The following RUNX1T1 variants were observed in gnomAD, a reference collection of about 807,000 sequenced individuals.
RUNX1T1 encodes the protein protein CBFA2T1.
In RUNX1T1, 4 loss-of-function variants were observed where a neutral mutation model predicts 62.8. The ratio of observed to expected loss-of-function variants is 0.06; its 90% CI spans 0.03 to 0.15. The LOEUF (loss-of-function observed/expected upper bound fraction) is 0.15. Among genes scored for constraint, RUNX1T1 ranks in the 10% least tolerant of loss-of-function variants. The pLI is 1.00. For missense variants in RUNX1T1, 508 were observed against 754.3 expected (o/e 0.67, Z 3.82); for synonymous variants, 291 against 286.0 (o/e 1.02, Z -0.18).
intron 5 of RUNX1T1, among the ~76,000 whole-genome samples, chr8:91,996,287 C>T (rs1818660073): frequency 6.6e-6 from 1 of 152,038 alleles, no homozygotes; most frequent in South Asian, 2.1e-4. Flanking sequence ...CTGCAAGCTC[C>T]ACCTCCTGGG....
At chr8:92,054,064 G>C (rs1283353227) in intron 1 of RUNX1T1, among the ~76,000 whole-genome samples, 2 of 151,904 alleles carry the variant, frequency 1.3e-5, no homozygotes, top group East Asian at 3.9e-4. Context: ...GAAGAAGTGG[G>C]GGACAGACTC....
upstream of RUNX1T1, among the ~76,000 whole-genome samples, chr8:92,066,270 C>T (rs1295310590): frequency 1.3e-5 from 2 of 152,216 alleles, no homozygotes; most frequent in African/African-American, 4.8e-5. Context: ...GGCACACCAG[C>T]TTGAAAGGGC....
chr8:91,997,891 C>T (rs1278580694), intron 5 of RUNX1T1, among the ~76,000 whole-genome samples: 1 of 152,272 alleles, frequency 6.6e-6, no homozygotes, highest in East Asian at 1.9e-4. Flanking sequence ...GCATTGAAGA[C>T]TTACTTTATT....
In RUNX1T1 at chr8:91,991,631, A is replaced by G. The variant is rs1817692488; in HGVS notation, c.910+8T>C. On this transcript the variant is annotated splice_region_variant and intron_variant, in intron 6 of 10. Transcript: ENST00000396218. The stretch of plus-strand genomic sequence containing the variant: ...CCCGTAAGAAGTGAACAGGTCCTTC[A>G]GTCTTACCCATAGGTCTGTTTCTGT... The G allele has an allele frequency of 3.7e-6, 6 of 1,610,264 alleles. No individual in the cohort carries two copies. Among genetic ancestry groups the G allele is most frequent in the South Asian group, 1.1e-5 (1 of 90,966 alleles).
chr8:92,084,897 G>A (rs184393358), intron 1 of RUNX1T1, among the ~76,000 whole-genome samples: 19 of 152,178 alleles, frequency 1.2e-4, no homozygotes, highest in African/African-American at 2.2e-4. Flanking sequence ...GGGCCAGATC[G>A]TCTATTAAGC....
At chr8:91,970,168 C>T in intron 10 of RUNX1T1, among the ~76,000 whole-genome samples, 1 of 152,090 alleles carries the variant, frequency 6.6e-6, no homozygotes, top group Non-Finnish European at 1.5e-5. Flanking sequence ...GAAGTACAGA[C>T]TGTCTCTAAG....
At chr8:91,970,589 G>T in intron 10 of RUNX1T1, 69 bp downstream of exon 11, 1 of 1,326,044 alleles carries the variant, frequency 7.5e-7, no homozygotes, top group Non-Finnish European at 1.0e-6. Flanking sequence ...TGATCACCTT[G>T]AATGAAGAAT....
intron 1 of RUNX1T1, among the ~76,000 whole-genome samples, chr8:92,088,786 C>G (rs1450412313): frequency 6.6e-6 from 1 of 152,130 alleles, no homozygotes; most frequent in Non-Finnish European, 1.5e-5. Flanking sequence ...ACACTGTTTC[C>G]CTTCATATTA....
chr8:92,018,306 A>G (rs1823411904), intron 1 of RUNX1T1, among the ~76,000 whole-genome samples: 1 of 152,256 alleles, frequency 6.6e-6, no homozygotes, highest in Non-Finnish European at 1.5e-5. Context: ...TAAACATTTA[A>G]AAGTTGAAAT....
intron 6 of RUNX1T1, among the ~76,000 whole-genome samples, chr8:91,990,965 C>T (rs912774232): frequency 1.6e-4 from 25 of 152,152 alleles, no homozygotes. Context: ...AGACAAAATG[C>T]TTTACTTCTA....
At chr8:92,077,718 T>C (rs1032942160) in intron 1 of RUNX1T1, among the ~76,000 whole-genome samples, 2 of 152,120 alleles carry the variant, frequency 1.3e-5, no homozygotes, top group Admixed American at 6.5e-5. Flanking sequence ...ATCATGCCCC[T>C]ATATGAGCCA....
At chr8:92,040,385 TCCTTAAAAGG>T (rs1348569976) in intron 1 of RUNX1T1, among the ~76,000 whole-genome samples, 1 of 152,162 alleles carries the variant, frequency 6.6e-6, no homozygotes, top group Non-Finnish European at 1.5e-5. Flanking sequence ...ACACACATGT[TCCTTAAAAGG>T]CCGAGTCTAC....
chr8:92,089,111 A>T (rs994175313), intron 1 of RUNX1T1, among the ~76,000 whole-genome samples: 16 of 152,264 alleles, frequency 1.1e-4, no homozygotes, highest in Non-Finnish European at 2.4e-4. Flanking sequence ...AGTAAACAGT[A>T]AGCTTCCACT....
upstream of RUNX1T1, among the ~76,000 whole-genome samples, chr8:92,101,774 G>A (rs1238535780): frequency 6.6e-6 from 1 of 152,162 alleles, no homozygotes; most frequent in Non-Finnish European, 1.5e-5. Context: ...TTCAAAAAAT[G>A]GATCTGAGCG....
At chr8:92,087,811 G>C (rs1309860356) in intron 1 of RUNX1T1, among the ~76,000 whole-genome samples, 1 of 152,154 alleles carries the variant, frequency 6.6e-6, no homozygotes, top group African/African-American at 2.4e-5. Context: ...TTCTTTATAA[G>C]TAGTCAAATC....
intron 1 of RUNX1T1, chr8:92,099,488 A>G: frequency 4.2e-6 from 1 of 235,788 alleles, no homozygotes; most frequent in Non-Finnish European, 6.9e-6. Context: ...GGATCACTAT[A>G]TGATGAATAA....
intron 1 of RUNX1T1, among the ~76,000 whole-genome samples, chr8:92,079,392 T>C (rs952431028): frequency 3.9e-5 from 6 of 152,210 alleles, no homozygotes; most frequent in Non-Finnish European, 7.3e-5. Context: ...CACTGGACTG[T>C]AGCTTACCTT....
chr8:92,043,595 A>AGATTTT (rs1487212087), intron 1 of RUNX1T1, among the ~76,000 whole-genome samples: 1 of 152,140 alleles, frequency 6.6e-6, no homozygotes, highest in African/African-American at 2.4e-5. Flanking sequence ...GTTACACTAA[A>AGATTTT]GATGGTATAC....
At chr8:92,082,065 T>G (rs1835361195) in intron 1 of RUNX1T1, among the ~76,000 whole-genome samples, 1 of 151,986 alleles carries the variant, frequency 6.6e-6, no homozygotes, top group Non-Finnish European at 1.5e-5. Context: ...TTTTGTATTT[T>G]TAGTAGGGAC....
Sources: allele counts gnomAD v4.1 joint callset (sites outside exome capture counted in the v4.1 genomes callset), GRCh38; gene constraint gnomAD v4.1.1; transcripts MANE v1.5; gene names NCBI Gene and HGNC (gene_info 2026-07-23, HGNC 2026-07-21).